MRNIP: variants seen among roughly 807,000 people sequenced by gnomAD.
MRNIP encodes the protein MRN complex-interacting protein.
Under a neutral mutation model 29.8 loss-of-function variants are expected in MRNIP, and 30 were observed. That is an observed-to-expected ratio of 1.01 (90% CI 0.75 to 1.36). The LOEUF (loss-of-function observed/expected upper bound fraction) is 1.36, where lower values mean the gene tolerates loss of function less well. Among genes scored for constraint, MRNIP ranks in the 40% most tolerant of loss-of-function variants. MRNIP has a pLI of 0.00. For missense variants in MRNIP, 459 were observed against 423.5 expected (o/e 1.08, Z -0.74); for synonymous variants, 201 against 164.1 (o/e 1.23, Z -1.72).
At chr5:179,841,641 A>C (rs1399220461) in intron 5 of MRNIP, 5 of 508,086 alleles carry the variant, frequency 9.8e-6, no homozygotes, top group Non-Finnish European at 1.8e-5. Flanking sequence ...GGGTCAGTAC[A>C]GTCTGAGATG....
Position 179,858,810 on chromosome 5 carries a change from G to A in MRNIP, c.-14C>T, listed in dbSNP as rs1759721886. 2 of 1,539,066 alleles carry A rather than the reference G, an allele frequency of 1.3e-6. No individual in the cohort carries two copies. Among genetic ancestry groups the A allele is most frequent in the Middle Eastern group, 1.7e-4 (1 of 5,982 alleles). ...AAGCGACGCCATCCCTGCTTGTGCA[G>A]TCGCCAGGCAGCCAAGCGCGTGCGC... On this transcript the variant is annotated 5_prime_UTR_variant, in exon 1 of 7. Coordinates refer to ENST00000292586, the MANE Select transcript of MRNIP (RefSeq NM_016175.4).
rs148820960 is a variant in MRNIP, at chr5:179,840,828, G to A, written c.537+44C>T. ...CAAAAGACAGAATTATCACACACAC[G>A]CTCAGTGGTCACTGGGACCAGAGAG... On this transcript the variant is annotated intron_variant, in intron 6 of 6. Coordinates refer to ENST00000292586, the MANE Select transcript of MRNIP (RefSeq NM_016175.4). 8.0e-4 allele frequency: 1,034 copies of A among 1,285,628 alleles called. 16 individuals carry two copies. In the East Asian group the frequency reaches 0.021, roughly 27 times the overall value. 79.6% of individuals were successfully genotyped at this position (1,285,628 alleles called of 1,614,324 possible). A position where few individuals can be genotyped will look rare whatever the true frequency, so the allele number is the denominator to read the frequency against.
At position 179,858,713 on chromosome 5, in the gene MRNIP, G is replaced by T; in HGVS notation, c.66+18C>A. 2 of 1,471,532 alleles carry T rather than the reference G, an allele frequency of 1.4e-6. No individual in the cohort carries two copies. The highest frequency in any genetic ancestry group is 2.2e-5 in the Admixed American group (1 of 46,352). 91.2% of individuals were successfully genotyped at this position (1,471,532 alleles called of 1,614,324 possible). A position where few individuals can be genotyped will look rare whatever the true frequency, so the allele number is the denominator to read the frequency against. ...TCCCCGCGCCGGAGGAGGAGGAGGG[G>T]GCTGGCACCCGCCAGACCTGGTGCG... is the stretch of plus-strand genomic sequence containing the variant. On this transcript the variant is annotated intron_variant, in intron 1 of 6. Coordinates refer to ENST00000292586, the MANE Select transcript of MRNIP (RefSeq NM_016175.4).
At chr5:179,839,920 G>A (rs1758804289) in intron 6 of MRNIP, 1 of 152,210 alleles carries the variant, frequency 6.6e-6, no homozygotes, top group Non-Finnish European at 1.5e-5. Flanking sequence ...TTGAGCTCAG[G>A]AGTTTGAGAC....
intron 1 of MRNIP, among the ~76,000 whole-genome samples, chr5:179,853,869 C>T (rs1053496649): frequency 2.6e-5 from 4 of 151,982 alleles, no homozygotes; most frequent in Admixed American, 1.3e-4. Flanking sequence ...TGTACCACCA[C>T]GCCCAGCTAA....
intron 1 of MRNIP, among the ~76,000 whole-genome samples, chr5:179,857,285 A>G (rs1561625216): frequency 6.6e-6 from 1 of 151,722 alleles, no homozygotes. Flanking sequence ...ACATGGTGAA[A>G]CCCCGTCTCT....
At position 179,851,903 on chromosome 5, in the gene MRNIP, A is replaced by G. The variant is rs959534498; in HGVS notation, c.126+1475T>C. Among the ~76,000 whole-genome samples the G allele has an allele frequency of 4.0e-5, 6 of 151,456 alleles. No homozygotes were observed. The South Asian group carries it at 8.4e-4, about 21-fold the overall frequency. On this transcript the variant is annotated intron_variant, in intron 2 of 6. Transcript: ENST00000292586. ...TGAGGCAGGAGAATGGCGTAAACCCAGGGGGCGGAGCTTGCAGTGAGCGAG... is the reference window on the plus strand; with the variant it reads ...TGAGGCAGGAGAATGGCGTAAACCCGGGGGGCGGAGCTTGCAGTGAGCGAG...
intron 2 of MRNIP, among the ~76,000 whole-genome samples, chr5:179,850,248 G>A (rs914434762): frequency 1.2e-4 from 19 of 152,048 alleles, no homozygotes; most frequent in African/African-American, 4.1e-4. Flanking sequence ...CAGATGGTAC[G>A]AGATGGAATT....
intron 1 of MRNIP, among the ~76,000 whole-genome samples, chr5:179,856,771 G>A (rs1759599273): frequency 3.3e-5 from 5 of 152,202 alleles, no homozygotes; most frequent in Admixed American, 1.3e-4. Flanking sequence ...CCGGGGCCAA[G>A]CAACTCACAT....
chr5:179,837,553 G>T lies in MRNIP; in HGVS notation c.870C>A (p.His290Gln), dbSNP rs144080871. 1 of 1,614,242 alleles carries T rather than the reference G, an allele frequency of 6.2e-7. No homozygotes were observed. Residue 290 changes from histidine (H) to glutamine (Q), a missense_variant, in exon 7 of 7, where the codon CAC (histidine) becomes CAA (glutamine). Transcript: ENST00000292586. The part of the protein sequence containing the change: ...TAAVQLPRAT[H>Q]PVTSGSERPC... ...GCCTCTCAGACCCAGATGTGACGGG[G>T]TGTGTGGCCCGAGGAAGCTGGACAG...
In MRNIP at chr5:179,837,873, G is replaced by C. The variant is rs371031967; in HGVS notation, c.550C>G (p.Leu184Val). The C allele has an allele frequency of 1.2e-6, 2 of 1,605,614 alleles. No homozygotes were observed. Among genetic ancestry groups the C allele is most frequent in the Non-Finnish European group, 1.7e-6 (2 of 1,179,208 alleles). Reference protein sequence around the residue: ...AWGPQKGQAGLTWKVKQGSSP... With the variant: ...AWGPQKGQAGVTWKVKQGSSP... ...CTGCCTTGTTTCACCTTCCATGTCA[G>C]GCCAGCCTGTCCCTGAAAGAGAAGA... The change falls in exon 7 of 7, where the codon CTG becomes GTG. Residue 184 changes from leucine to valine, a missense_variant. Transcript: ENST00000292586.
Position 179,837,624 on chromosome 5 carries a change from G to A in MRNIP, c.799C>T (p.Pro267Ser). The A allele has an allele frequency of 1.2e-6, 2 of 1,614,216 alleles. No homozygotes were observed. Among genetic ancestry groups the A allele is most frequent in the Non-Finnish European group, 1.7e-6 (2 of 1,180,044 alleles). ...CCTTCTCTTGAGGCCTGTGCTCTGG[G>A]GGTCCCTTGCTTAGCCTGTGCTGGA... is the stretch of plus-strand genomic sequence containing the variant. ...AGPAQAKQGT[P>S]RAQASREGLS... The change falls in exon 7 of 7, where the codon CCC becomes TCC. Residue 267 changes from proline to serine, a missense_variant. Coordinates refer to ENST00000292586, the MANE Select transcript of MRNIP (RefSeq NM_016175.4).
At chr5:179,857,985 T>G (rs1202033860) in intron 1 of MRNIP, among the ~76,000 whole-genome samples, 3 of 136,474 alleles carry the variant, frequency 2.2e-5, no homozygotes, top group Non-Finnish European at 4.5e-5. Context: ...CACTCCAGCC[T>G]GGGCAACAAG....
rs767217752 is a variant in MRNIP at position 179,837,859 on chromosome 5, C to T, written c.564G>A (p.Val188=). The part of the protein sequence containing the change: ...QKGQAGLTWK[V]KQGSSPCLQE... ...GGAGGCAGGGGCTGCTGCCTTGTTT[C>T]ACCTTCCATGTCAGGCCAGCCTGTC... Residue 188 remains valine (V), a synonymous_variant, in exon 7 of 7, where the codon GTG becomes GTA. Transcript: ENST00000292586. 6 of 1,608,970 alleles carry T rather than the reference C, an allele frequency of 3.7e-6. No individual in the cohort carries two copies. The East Asian group carries it at 1.1e-4, about 30-fold the overall frequency.
chr5:179,837,312 G>A lies in MRNIP; in HGVS notation c.*79C>T. On this transcript the variant is annotated 3_prime_UTR_variant, in exon 7 of 7. Coordinates refer to ENST00000292586, the MANE Select transcript of MRNIP (RefSeq NM_016175.4). The stretch of plus-strand genomic sequence containing the variant: ...AAGTTTATTGTTAATGGTTCTTACA[G>A]AGTATCTTTAAAAGTGCCTTAGGGG... The A allele has an allele frequency of 6.3e-7, 1 of 1,597,076 alleles. No homozygotes were observed. The highest frequency in any genetic ancestry group is 8.5e-7 in the Non-Finnish European group (1 of 1,171,066).
chr5:179,842,011 G>A lies in MRNIP; in HGVS notation c.345C>T (p.Ser115=), dbSNP rs61736195. 2 of 1,613,892 alleles carry A rather than the reference G, an allele frequency of 1.2e-6. No individual in the cohort carries two copies. The highest frequency in any genetic ancestry group is 2.7e-5 in the African/African-American group (2 of 74,854). The change falls in exon 5 of 7, where the codon TCC becomes TCT. Residue 115 remains serine (S), a synonymous_variant. Transcript: ENST00000292586. ...SRWLKYLEKD[S]QELELEGTGV... ...CTGTTCCTTCCAGCTCCAGTTCTTG[G>A]GAGTCCTTTTCTAGATACTTCAGCC...
chr5:179,848,185 T>TA (rs1759209056), intron 2 of MRNIP, 119 bp from the exon 3 acceptor site: 1 of 744,440 alleles, frequency 1.3e-6, no homozygotes, highest in Admixed American at 2.0e-5. Context: ...CAAAGACCCC[T>TA]AAAGCAGCAT....
Position 179,858,712 on chromosome 5 carries a change from G to T in MRNIP, c.66+19C>A. The stretch of plus-strand genomic sequence containing the variant: ...GTCCCCGCGCCGGAGGAGGAGGAGG[G>T]GGCTGGCACCCGCCAGACCTGGTGC... On this transcript the variant is annotated intron_variant, in intron 1 of 6. Transcript: ENST00000292586. 1 of 1,464,520 alleles carries T rather than the reference G, an allele frequency of 6.8e-7. No individual in the cohort carries two copies. The highest frequency in any genetic ancestry group is 9.2e-7 in the Non-Finnish European group (1 of 1,091,008). The allele number at this position is 1,464,520 out of a possible 1,614,324, so 90.7% of individuals were successfully genotyped here. A position where few individuals can be genotyped will look rare whatever the true frequency, so the allele number is the denominator to read the frequency against.
At chr5:179,841,284 A>G (rs2113540704) in intron 5 of MRNIP, 2 of 355,290 alleles carry the variant, frequency 5.6e-6, no homozygotes, top group East Asian at 1.3e-4. Flanking sequence ...ACAGGCATGC[A>G]CCACCATGCC....
Sources: gnomAD v4.1 joint callset for allele counts (sites outside exome capture counted in the v4.1 genomes callset) on GRCh38, gnomAD v4.1.1 for gene constraint, MANE v1.5 for transcripts, NCBI Gene and HGNC (gene_info 2026-07-23, HGNC 2026-07-21) for gene names.